EPSTI1: variants seen among roughly 807,000 people sequenced by gnomAD.
EPSTI1 encodes the protein epithelial-stromal interaction protein 1.
EPSTI1 carries 66 observed loss-of-function variants against 49.9 expected under a neutral mutation model. The observed-to-expected ratio is 1.32, with a 90% CI of 1.08 to 1.62. The LOEUF is 1.62. Among genes scored for constraint, EPSTI1 ranks in the 40% most tolerant of loss-of-function variants. The pLI is 0.00. For synonymous variants in EPSTI1, 137 were observed against 130.7 expected, an observed-to-expected ratio of 1.05 and a Z score of -0.33; for missense variants, 394 against 365.5, an observed-to-expected ratio of 1.08 and a Z score of -0.64.
chr13:42,972,959 G>A (rs1161595716), intron 1 of EPSTI1, among the ~76,000 whole-genome samples: 1 of 152,192 alleles, frequency 6.6e-6, no homozygotes, highest in Non-Finnish European at 1.5e-5. Context: ...GAGATTCATA[G>A]AGACCTCAGA....
chr13:42,960,456 C>T (rs1028472838), intron 5 of EPSTI1, among the ~76,000 whole-genome samples: 2 of 152,158 alleles, frequency 1.3e-5, no homozygotes, highest in African/African-American at 4.8e-5. Context: ...CTTTTTTACT[C>T]TAATGCTCTA....
intron 1 of EPSTI1, 70 bp from the exon 2 acceptor site, chr13:42,970,740 T>G: frequency 8.0e-7 from 1 of 1,247,452 alleles, no homozygotes; most frequent in South Asian, 1.3e-5. Context: ...CACCAGATAT[T>G]TTTCCTTCTA....
At chr13:42,963,611 T>G in intron 4 of EPSTI1, 2 of 425,700 alleles carry the variant, frequency 4.7e-6, no homozygotes, top group South Asian at 8.2e-5. Flanking sequence ...TGTGTGTATG[T>G]GTGTGTGGTG....
At chr13:42,890,296 C>CTTTTCTTTTTTTTTTT (rs1470146396) in intron 10 of EPSTI1, among the ~76,000 whole-genome samples, 8 of 116,304 alleles carry the variant, frequency 6.9e-5, no homozygotes, top group East Asian at 5.0e-4. Context: ...TTTTTCTTTT[C>CTTTTCTTTTTTTTTTT]TTTTTTTTTT....
intron 5 of EPSTI1, among the ~76,000 whole-genome samples, chr13:42,959,304 G>C (rs537133200): frequency 1.3e-5 from 2 of 152,170 alleles, no homozygotes; most frequent in Non-Finnish European, 2.9e-5. Context: ...ATAACCAAAG[G>C]CTTAATGCTT....
At chr13:42,989,183 T>G (rs1469401247) in intron 1 of EPSTI1, among the ~76,000 whole-genome samples, 1 of 151,720 alleles carries the variant, frequency 6.6e-6, no homozygotes, top group Non-Finnish European at 1.5e-5. Flanking sequence ...TTTAAACCAG[T>G]GTTTTTTTTT....
intron 8 of EPSTI1, among the ~76,000 whole-genome samples, chr13:42,903,790 A>T (rs2037426499): frequency 6.6e-6 from 1 of 152,200 alleles, no homozygotes; most frequent in Non-Finnish European, 1.5e-5. Context: ...ATGGGAATAG[A>T]AGTTTTCAAA....
chr13:42,907,894 C>A (rs2037543298), intron 8 of EPSTI1, among the ~76,000 whole-genome samples: 1 of 152,180 alleles, frequency 6.6e-6, no homozygotes. Context: ...CAGCGTGGTA[C>A]TGGCATACAA....
chr13:42,958,726 G>C (rs1480240289), intron 5 of EPSTI1, among the ~76,000 whole-genome samples: 1 of 152,138 alleles, frequency 6.6e-6, no homozygotes, highest in South Asian at 2.1e-4. Flanking sequence ...AATGAAAGGA[G>C]AGCATAAGAA....
chr13:42,908,331 C>T (rs2037557124), intron 8 of EPSTI1, among the ~76,000 whole-genome samples: 1 of 151,882 alleles, frequency 6.6e-6, no homozygotes, highest in South Asian at 2.1e-4. Flanking sequence ...ACTGAAAATA[C>T]AAAAATTAGC....
chr13:42,919,729 C>G (rs115921807), intron 7 of EPSTI1, among the ~76,000 whole-genome samples: 1 of 152,168 alleles, frequency 6.6e-6, no homozygotes, highest in African/African-American at 2.4e-5. Flanking sequence ...CTTTCCAAAT[C>G]AAGTAAGGCT....
rs1408236015 is a variant in EPSTI1, at chr13:42,989,560, C to CTTTTTTCTT, written c.188+2409_188+2417dup. On this transcript the variant is annotated intron_variant, in intron 1 of 10. Coordinates refer to ENST00000313624, the MANE Select transcript of EPSTI1 (RefSeq NM_033255.5). ...CTGTACTATTAAAGCACTTTATCCT[C>CTTTTTTCTT]TTTTTTCTTTTTTTTTTTTTTTTGC... is the stretch of plus-strand genomic sequence containing the variant. 2.2e-4 allele frequency among the ~76,000 whole-genome samples: 8 copies of CTTTTTTCTT among 37,030 alleles called. 1 individual carries two copies. Among genetic ancestry groups the CTTTTTTCTT allele is most frequent in the Admixed American group, 1.7e-3 (6 of 3,630 alleles). 24.3% of individuals were successfully genotyped at this position (37,030 alleles called of 152,430 possible).
chr13:42,936,969 C>A (rs530117234), intron 6 of EPSTI1, among the ~76,000 whole-genome samples: 2 of 152,138 alleles, frequency 1.3e-5, no homozygotes, highest in African/African-American at 4.8e-5. Context: ...CCTTCTTCAT[C>A]CCCAATATCA....
chr13:42,973,552 G>A (rs2039813609), intron 1 of EPSTI1, among the ~76,000 whole-genome samples: 1 of 152,208 alleles, frequency 6.6e-6, no homozygotes, highest in African/African-American at 2.4e-5. Flanking sequence ...AAGAAGAAGA[G>A]CTTAAGTCAA....
At chr13:42,921,687 C>G (rs894184024) in intron 7 of EPSTI1, among the ~76,000 whole-genome samples, 1 of 152,092 alleles carries the variant, frequency 6.6e-6, no homozygotes, top group Non-Finnish European at 1.5e-5. Context: ...ATACAGCAGG[C>G]TCTCTGGAGG....
At chr13:42,907,037 T>G (rs747244922) in intron 8 of EPSTI1, among the ~76,000 whole-genome samples, 2 of 152,216 alleles carry the variant, frequency 1.3e-5, no homozygotes, top group African/African-American at 2.4e-5. Flanking sequence ...ACTATCATCT[T>G]ACTGTCAACC....
In EPSTI1 at chr13:42,922,266, C is replaced by G. The variant is rs369978771; in HGVS notation, c.657+4070G>C. ...AATGGCCCCCCAAAGACGTCCCAATCCCTGGAATCTGTGAATGTTTCTTTA... is the reference window on the plus strand; with the variant it reads ...AATGGCCCCCCAAAGACGTCCCAATGCCTGGAATCTGTGAATGTTTCTTTA... On this transcript the variant is annotated intron_variant, in intron 7 of 10. Coordinates refer to ENST00000313624, the MANE Select transcript of EPSTI1 (RefSeq NM_033255.5). This position sits in a 1 kb window ranked among gnomAD's most constrained non-coding sequence, Gnocchi z 4.8. Among the ~76,000 whole-genome samples, 10 of 152,300 alleles carry G rather than the reference C, an allele frequency of 6.6e-5. No homozygotes were observed. The South Asian group carries it at 1.5e-3, about 22-fold the overall frequency.
intron 6 of EPSTI1, among the ~76,000 whole-genome samples, chr13:42,944,616 T>C (rs2038864812): frequency 6.6e-6 from 1 of 152,194 alleles, no homozygotes; most frequent in Admixed American, 6.5e-5. Flanking sequence ...CGTGTATACC[T>C]ATGTAACAAA....
chr13:42,888,822 G>A (rs749523954), intron 10 of EPSTI1, among the ~76,000 whole-genome samples: 1 of 152,134 alleles, frequency 6.6e-6, no homozygotes, highest in Non-Finnish European at 1.5e-5. Context: ...GTTACAGCAA[G>A]GACAGGATGA....
Sources: gnomAD v4.1 joint callset for allele counts (sites outside exome capture counted in the v4.1 genomes callset) on GRCh38, gnomAD v4.1.1 for gene constraint, Gnocchi (gnomAD v3.1) non-coding constraint, MANE v1.5 for transcripts, NCBI Gene and HGNC (gene_info 2026-07-23, HGNC 2026-07-21) for gene names.